Variants in TMEM8B observed in about 807,000 individuals in gnomAD.
TMEM8B encodes the protein transmembrane protein 8B, also known as nasopharyngeal carcinoma expressed 6.
In TMEM8B, 29 loss-of-function variants were observed where a neutral mutation model predicts 49.3. The ratio of observed to expected loss-of-function variants is 0.59; its 90% CI spans 0.44 to 0.80. The LOEUF (loss-of-function observed/expected upper bound fraction) is 0.80. TMEM8B is among the 30% of genes least tolerant of loss of function. The pLI, the probability that TMEM8B is intolerant of heterozygous loss-of-function variation, is 0.00. For synonymous variants in TMEM8B, 264 were observed against 272.8 expected (o/e 0.97, Z 0.32); for missense variants, 575 against 658.5 (o/e 0.87, Z 1.39).
chr9:35,849,545 G>C (rs554621276), intron 10 of TMEM8B, among the ~76,000 whole-genome samples: 12 of 152,294 alleles, frequency 7.9e-5, no homozygotes, highest in Non-Finnish European at 1.6e-4. Flanking sequence ...ATAAGGGAAA[G>C]TTAAATATTT....
At position 35,833,395 on chromosome 9, in the gene TMEM8B, C is replaced by T. The variant is rs1008385581; in HGVS notation, c.509-1066C>T. The T allele has an allele frequency of 7.1e-6, 7 of 984,658 alleles. No individual in the cohort carries two copies. The African/African-American group carries it at 1.2e-4, about 17-fold the overall frequency. 61.0% of individuals were successfully genotyped at this position (984,658 alleles called of 1,614,324 possible). ...CGAAGTCTCCAGAGCAGTCAGATTC[C>T]CTAGAGGTTTACTTTGAGAGACCTT... is the stretch of plus-strand genomic sequence containing the variant. On this transcript the variant is annotated intron_variant, in intron 1 of 12. Transcript: ENST00000643932.
chr9:35,851,026 T>C (rs1832082675), intron 10 of TMEM8B, among the ~76,000 whole-genome samples: 1 of 152,216 alleles, frequency 6.6e-6, no homozygotes. Flanking sequence ...AGGAACTAAA[T>C]TAACTCCCAA....
At chr9:35,852,126 G>A (rs957788573) in intron 10 of TMEM8B, among the ~76,000 whole-genome samples, 4 of 152,172 alleles carry the variant, frequency 2.6e-5, no homozygotes, top group African/African-American at 7.2e-5. Flanking sequence ...ATGTCCAGTT[G>A]AGTCTGATCC....
At position 35,841,627 on chromosome 9, in the gene TMEM8B, A is replaced by G. The variant is rs1830998378; in HGVS notation, c.1142A>G (p.Lys381Arg). 3 of 416,164 alleles carry G rather than the reference A, an allele frequency of 7.2e-6. No homozygotes were observed. The highest frequency in any genetic ancestry group is 1.3e-5 in the Non-Finnish European group (3 of 226,780). 25.8% of individuals were successfully genotyped at this position (416,164 alleles called of 1,614,324 possible). A position where few individuals can be genotyped will look rare whatever the true frequency, so the allele number is the denominator to read the frequency against. ...ACPLSLRLRP[K>R]APPLHNSSSV... ...CCCCTGTCACTGCGTCTGCGTCCCA[A>G]AGCCCCACCCCTGCACAACTCAAGC... The change falls in exon 5 of 13, where the codon AAA becomes AGA. Residue 381 changes from lysine (K) to arginine (R), a missense_variant. Transcript: ENST00000643932. The surrounding 1 kb of genome is among the most constrained non-coding windows in gnomAD (Gnocchi z 5.9).
At chr9:35,838,085 C>T (rs1401543456) in intron 3 of TMEM8B, among the ~76,000 whole-genome samples, 1 of 152,176 alleles carries the variant, frequency 6.6e-6, no homozygotes, top group African/African-American at 2.4e-5. Context: ...TAGGACCACA[C>T]GTGACTCAAT....
intron 1 of TMEM8B, among the ~76,000 whole-genome samples, chr9:35,831,021 G>A (rs1829835772): frequency 6.6e-6 from 1 of 152,204 alleles, no homozygotes; most frequent in Non-Finnish European, 1.5e-5. Flanking sequence ...GGAGTCTTTG[G>A]AAATAACAGC....
At chr9:35,840,147 A>C (rs557651959) in intron 3 of TMEM8B, among the ~76,000 whole-genome samples, 1 of 152,338 alleles carries the variant, frequency 6.6e-6, no homozygotes, top group South Asian at 2.1e-4. Context: ...GACTGAGCTT[A>C]CTGGAGAGTG....
Position 35,853,354 on chromosome 9 carries a change from T to G in TMEM8B, c.2439+97T>G. 1 of 1,451,838 alleles carries G rather than the reference T, an allele frequency of 6.9e-7. No homozygotes were observed. The highest frequency in any genetic ancestry group is 1.8e-5 in the Admixed American group (1 of 56,054). The allele number at this position is 1,451,838 out of a possible 1,614,324, so 89.9% of individuals were successfully genotyped here. ...CCAGTTTAAGGTGGGCTTGGCTCTG[T>G]CGTCATCACCTGCTGCTGGCAGTGT... is the stretch of plus-strand genomic sequence containing the variant. On this transcript the variant is annotated intron_variant, in intron 12 of 12. Coordinates refer to ENST00000643932, the MANE Select transcript of TMEM8B (RefSeq NM_001042590.4). This position sits in a 1 kb window ranked among gnomAD's most constrained non-coding sequence, Gnocchi z 4.2.
rs959037858 is a variant in TMEM8B at position 35,857,274 on chromosome 9, G to A, written c.*3434G>A. ...CCCGACTGAATCCTGCCCTGAAGGA[G>A]CTCACACGGTGGTGAAGTGTCATGA... On this transcript the variant is annotated 3_prime_UTR_variant, in exon 13 of 13. Transcript: ENST00000643932. 6.6e-6 allele frequency: 1 copy of A among 152,260 alleles called. No homozygotes were observed. The allele number at this position is 152,260 out of a possible 1,614,324, so 9.4% of individuals were successfully genotyped here. A position where few individuals can be genotyped will look rare whatever the true frequency, so the allele number is the denominator to read the frequency against.
Position 35,857,421 on chromosome 9 carries a change from C to T in TMEM8B, c.*3581C>T, listed in dbSNP as rs1274850040. 1 of 152,232 alleles carries T rather than the reference C, an allele frequency of 6.6e-6. No individual in the cohort carries two copies. The highest frequency in any genetic ancestry group is 1.5e-5 in the Non-Finnish European group (1 of 68,054). 9.4% of individuals were successfully genotyped at this position (152,232 alleles called of 1,614,324 possible). ...ATGAGAGAGATGGTGTCTAACCTAG[C>T]TTTGAAAACTAGTCCCAGCTATTAT... On this transcript the variant is annotated 3_prime_UTR_variant, in exon 13 of 13. Transcript: ENST00000643932.
At position 35,841,445 on chromosome 9, in the gene TMEM8B, C is replaced by CT. The variant is rs1830976971; in HGVS notation, c.1041-80dup. 2.9e-5 allele frequency: 12 copies of CT among 411,848 alleles called. No homozygotes were observed. The South Asian group carries it at 1.4e-3, about 48-fold the overall frequency. 25.5% of individuals were successfully genotyped at this position (411,848 alleles called of 1,614,324 possible). The stretch of plus-strand genomic sequence containing the variant: ...AGGCCTCCTTCCCACCCTATGCCCC[C>CT]TCCTTCCTAGTGCTTCCCTTGCCCT... On this transcript the variant is annotated intron_variant, in intron 4 of 12. Transcript: ENST00000643932. The surrounding 1 kb of genome is among the most constrained non-coding windows in gnomAD (Gnocchi z 5.9).
At chr9:35,834,734 G>A (rs532438591) in intron 2 of TMEM8B, 84 bp downstream of exon 2, 1 of 413,246 alleles carries the variant, frequency 2.4e-6, no homozygotes, top group African/African-American at 2.1e-5. Context: ...CTGACCTCCC[G>A]ACCCTGACCC....
At position 35,862,785 on chromosome 9, in the gene TMEM8B, A is replaced by G. The variant is rs1374776215; in HGVS notation, c.*8945A>G. On this transcript the variant is annotated 3_prime_UTR_variant, in exon 13 of 13. Transcript: ENST00000643932. Reference sequence around the variant, plus strand: ...TAAAACTGACCACCCGGACAACAAGATGGTCACACAGCTATTAGTGGAGGT... The same window carrying G: ...TAAAACTGACCACCCGGACAACAAGGTGGTCACACAGCTATTAGTGGAGGT... 1 of 152,152 alleles carries G rather than the reference A, an allele frequency of 6.6e-6. No individual in the cohort carries two copies. Among genetic ancestry groups the G allele is most frequent in the Non-Finnish European group, 1.5e-5 (1 of 68,054 alleles). 9.4% of individuals were successfully genotyped at this position (152,152 alleles called of 1,614,324 possible). A position where few individuals can be genotyped will look rare whatever the true frequency, so the allele number is the denominator to read the frequency against.
At position 35,853,276 on chromosome 9, in the gene TMEM8B, G is replaced by GT. The variant is rs757893696; in HGVS notation, c.2439+20dup. ...AGCCTGGGTAAGGGTGGGGAGGGAT[G>GT]TGGGGGGAGGGTCCCAGCAGGACTT... On this transcript the variant is annotated intron_variant, in intron 12 of 12. Coordinates refer to ENST00000643932, the MANE Select transcript of TMEM8B (RefSeq NM_001042590.4). This position sits in a 1 kb window ranked among gnomAD's most constrained non-coding sequence, Gnocchi z 4.2. The GT allele has an allele frequency of 1.4e-5, 23 of 1,595,792 alleles. No individual in the cohort carries two copies. Among genetic ancestry groups the GT allele is most frequent in the Non-Finnish European group, 1.7e-5 (20 of 1,163,658 alleles).
intron 10 of TMEM8B, among the ~76,000 whole-genome samples, chr9:35,848,867 A>C (rs1044121772): frequency 6.6e-6 from 1 of 151,604 alleles, no homozygotes; most frequent in African/African-American, 2.4e-5. Flanking sequence ...TAGAGACAGG[A>C]TTTCACCATG....
In TMEM8B at chr9:35,845,350, G is replaced by A. The variant is rs539511456; in HGVS notation, c.1636-625G>A. ...AGGCATTTATTATATTCTATTTTAT[G>A]TAAGCTGCCTCAAATCCTTCTTGAA... On this transcript the variant is annotated intron_variant, in intron 6 of 12. Transcript: ENST00000643932. The A allele has an allele frequency of 4.2e-6, 4 of 963,298 alleles. No homozygotes were observed. The Admixed American group carries it at 1.8e-4, about 44-fold the overall frequency. 59.7% of individuals were successfully genotyped at this position (963,298 alleles called of 1,614,324 possible). A position where few individuals can be genotyped will look rare whatever the true frequency, so the allele number is the denominator to read the frequency against.
At position 35,855,820 on chromosome 9, in the gene TMEM8B, G is replaced by A; in HGVS notation, c.*1980G>A. ...TTCTGCAATCACGTCTCTTCCATGG[G>A]GCACTGAGCAGAGAATGGTGTGGCC... On this transcript the variant is annotated 3_prime_UTR_variant, in exon 13 of 13. Coordinates refer to ENST00000643932, the MANE Select transcript of TMEM8B (RefSeq NM_001042590.4). 6.6e-6 allele frequency: 1 copy of A among 152,344 alleles called. No homozygotes were observed. The allele number at this position is 152,344 out of a possible 1,614,324, so 9.4% of individuals were successfully genotyped here.
At chr9:35,850,270 A>G (rs1162764470) in intron 10 of TMEM8B, among the ~76,000 whole-genome samples, 1 of 152,264 alleles carries the variant, frequency 6.6e-6, no homozygotes, top group African/African-American at 2.4e-5. Flanking sequence ...ACCTTGCAGG[A>G]TAATTTCCCT....
chr9:35,852,958 G>T lies in TMEM8B; in HGVS notation c.2307G>T (p.Gln769His). ...CTGTCATTGCCATGGCTCGTTTACAGCCCGTGGTCAAGCAGGTCAGTCCAG... is the reference window on the plus strand; with the variant it reads ...CTGTCATTGCCATGGCTCGTTTACATCCCGTGGTCAAGCAGGTCAGTCCAG... ...WVTVIAMARLQPVVKQVLYLL... is the reference protein window; with the variant it reads ...WVTVIAMARLHPVVKQVLYLL... Residue 769 changes from glutamine to histidine, a missense_variant, in exon 11 of 13, where the codon CAG (glutamine) becomes CAT (histidine). Transcript: ENST00000643932. 1 of 1,614,160 alleles carries T rather than the reference G, an allele frequency of 6.2e-7. No individual in the cohort carries two copies. Among genetic ancestry groups the T allele is most frequent in the South Asian group, 1.1e-5 (1 of 91,088 alleles).
Sources: allele counts gnomAD v4.1 joint callset (sites outside exome capture counted in the v4.1 genomes callset), GRCh38; gene constraint gnomAD v4.1.1; non-coding constraint Gnocchi (gnomAD v3.1); transcripts MANE v1.5; gene names NCBI Gene and HGNC (gene_info 2026-07-23, HGNC 2026-07-21).